PI4K2B: variants seen among roughly 807,000 people sequenced by gnomAD.
PI4K2B encodes phosphatidylinositol 4-kinase type 2 beta.
A neutral mutation model predicts 56.6 loss-of-function variants in PI4K2B; 46 were observed. The observed-to-expected ratio is 0.81, with a 90% CI of 0.64 to 1.04. The LOEUF is 1.04. Ranked by LOEUF, PI4K2B falls within the 50% of genes least tolerant of loss-of-function variation. The pLI is 0.00. For missense variants in PI4K2B, 556 were observed against 607.7 expected (o/e 0.91, Z 0.89); for synonymous variants, 211 against 223.8 (o/e 0.94, Z 0.51).
At chr4:25,267,959 A>T (rs758278363) in intron 7 of PI4K2B, 3 of 589,490 alleles carry the variant, frequency 5.1e-6, no homozygotes, top group Non-Finnish European at 6.4e-6. Flanking sequence ...GGTGATATGC[A>T]TCTGTAGTTC....
At chr4:25,257,128 G>A (rs1479678233) in intron 4 of PI4K2B, among the ~76,000 whole-genome samples, 1 of 151,564 alleles carries the variant, frequency 6.6e-6, no homozygotes, top group Non-Finnish European at 1.5e-5. Flanking sequence ...TGTGAACAGG[G>A]CTTACTGCAG....
At chr4:25,241,644 C>G (rs1047017002) in intron 1 of PI4K2B, among the ~76,000 whole-genome samples, 8 of 152,200 alleles carry the variant, frequency 5.3e-5, no homozygotes, top group Admixed American at 3.9e-4. Context: ...CAGTGAGATC[C>G]TTTCCTTGTA....
At chr4:25,265,497 C>T (rs913150424) in intron 7 of PI4K2B, among the ~76,000 whole-genome samples, 1 of 152,172 alleles carries the variant, frequency 6.6e-6, no homozygotes, top group African/African-American at 2.4e-5. Flanking sequence ...TATTAGGCCT[C>T]ATACTTTCCT....
At chr4:25,269,263 G>A in intron 9 of PI4K2B, 60 bp downstream of exon 9, 2 of 908,576 alleles carry the variant, frequency 2.2e-6, no homozygotes, top group Admixed American at 1.9e-5. Flanking sequence ...GTAGTCAACT[G>A]TTTTCCCCAC....
chr4:25,272,370 C>G (rs975305662), intron 9 of PI4K2B, among the ~76,000 whole-genome samples: 4 of 152,120 alleles, frequency 2.6e-5, no homozygotes, highest in Non-Finnish European at 5.9e-5. Flanking sequence ...GGTTATTATA[C>G]GTTGTCACTT....
intron 1 of PI4K2B, among the ~76,000 whole-genome samples, chr4:25,244,779 C>T (rs921456308): frequency 2.2e-4 from 33 of 151,932 alleles, no homozygotes; most frequent in African/African-American, 6.5e-4. Flanking sequence ...CGCTCACTGA[C>T]GCAGCAGCAG....
chr4:25,263,995 A>G lies in PI4K2B; in HGVS notation c.1078+146A>G, dbSNP rs1186675895. 3 of 490,724 alleles carry G rather than the reference A, an allele frequency of 6.1e-6. No individual in the cohort carries two copies. The East Asian group carries it at 9.3e-5, about 15-fold the overall frequency. 30.4% of individuals were successfully genotyped at this position (490,724 alleles called of 1,614,324 possible). ...GCTCAGTTTTAGGCATTAGGGATGC[A>G]AATGTATACTACAGGGTCTTGCTAT... On this transcript the variant is annotated intron_variant, in intron 7 of 9. Coordinates refer to ENST00000264864, the MANE Select transcript of PI4K2B (RefSeq NM_018323.4).
chr4:25,234,873 A>G (rs1237075104), intron 1 of PI4K2B, among the ~76,000 whole-genome samples: 2 of 152,266 alleles, frequency 1.3e-5, no homozygotes, highest in Non-Finnish European at 2.9e-5. Flanking sequence ...TCCAGTTGCC[A>G]CTGGGGCACG....
chr4:25,243,714 G>A (rs1044615858), intron 1 of PI4K2B, among the ~76,000 whole-genome samples: 6 of 152,190 alleles, frequency 3.9e-5, no homozygotes, highest in African/African-American at 1.4e-4. Context: ...GCCTCTCGTA[G>A]CCGCTCGAGG....
At chr4:25,264,741 G>T (rs560321079) in intron 7 of PI4K2B, among the ~76,000 whole-genome samples, 19 of 151,684 alleles carry the variant, frequency 1.3e-4, no homozygotes, top group African/African-American at 4.6e-4. Context: ...TGTGGTGGCC[G>T]ATGCCTGTAG....
chr4:25,258,301 G>A (rs1055976213), intron 4 of PI4K2B, among the ~76,000 whole-genome samples: 3 of 145,600 alleles, frequency 2.1e-5, no homozygotes, highest in Non-Finnish European at 3.0e-5. Context: ...TCTGCCTCCC[G>A]AGTTCAAGCG....
chr4:25,242,335 G>T (rs1022395856), intron 1 of PI4K2B, among the ~76,000 whole-genome samples: 5 of 152,216 alleles, frequency 3.3e-5, no homozygotes, highest in African/African-American at 9.7e-5. Context: ...TTGGGCCAGT[G>T]CCTGACTAAA....
At chr4:25,243,809 TC>T (rs1337308334) in intron 1 of PI4K2B, among the ~76,000 whole-genome samples, 6 of 152,194 alleles carry the variant, frequency 3.9e-5, no homozygotes, top group Admixed American at 2.0e-4. Flanking sequence ...TCTCAGTCTT[TC>T]TAGAACACAG....
At chr4:25,251,436 G>T (rs1294301442) in intron 1 of PI4K2B, among the ~76,000 whole-genome samples, 1 of 152,092 alleles carries the variant, frequency 6.6e-6, no homozygotes, top group East Asian at 1.9e-4. Context: ...TTTTGCAGGT[G>T]ACCATGATGA....
intron 7 of PI4K2B, 105 bp from the exon 8 acceptor site, chr4:25,268,338 C>T (rs2109023249): frequency 1.1e-6 from 1 of 894,952 alleles, no homozygotes; most frequent in Non-Finnish European, 1.7e-6. Context: ...CTTATCCTGT[C>T]CTTTTTTGGG....
intron 1 of PI4K2B, chr4:25,250,705 A>T (rs1236508309): frequency 6.6e-6 from 1 of 152,202 alleles, no homozygotes; most frequent in African/African-American, 2.4e-5. Context: ...AAGAAAAAGT[A>T]TTACTAGCTT....
At chr4:25,249,514 G>A (rs867286658) in intron 1 of PI4K2B, among the ~76,000 whole-genome samples, 2 of 147,066 alleles carry the variant, frequency 1.4e-5, no homozygotes, top group Non-Finnish European at 3.0e-5. Flanking sequence ...GGTGGCTGCC[G>A]GGCGGAGGGG....
At chr4:25,262,589 C>T (rs1716520035) in intron 6 of PI4K2B, among the ~76,000 whole-genome samples, 1 of 152,154 alleles carries the variant, frequency 6.6e-6, no homozygotes. Flanking sequence ...ATCTAGGCCA[C>T]TTAGTAATGG....
intron 7 of PI4K2B, among the ~76,000 whole-genome samples, chr4:25,264,729 G>A (rs1000169176): frequency 2.0e-5 from 3 of 151,840 alleles, no homozygotes; most frequent in Non-Finnish European, 4.4e-5. Context: ...AAATGAGCCA[G>A]GTGTGGTGGC....
Sources: gnomAD v4.1 joint callset for allele counts (sites outside exome capture counted in the v4.1 genomes callset) on GRCh38, gnomAD v4.1.1 for gene constraint, MANE v1.5 for transcripts, NCBI Gene and HGNC (gene_info 2026-07-23, HGNC 2026-07-21) for gene names.